Variants in ZNF385D observed in about 807,000 individuals in gnomAD.
The protein encoded by ZNF385D is zinc finger protein 659.
In ZNF385D, 15 loss-of-function variants were observed where a neutral mutation model predicts 35.8. That is an observed-to-expected ratio of 0.42 (90% CI 0.28 to 0.64). The LOEUF (loss-of-function observed/expected upper bound fraction) is 0.64. Ranked by LOEUF, ZNF385D falls within the 30% of genes least tolerant of loss-of-function variation. The pLI, the probability that ZNF385D is intolerant of heterozygous loss-of-function variation, is 0.23. For synonymous variants in ZNF385D, 212 were observed against 186.8 expected (o/e 1.13, Z -1.10); for missense variants, 474 against 494.6 (o/e 0.96, Z 0.39).
At chr3:21,954,776 G>C (rs934318943) in intron 3 of ZNF385D, among the ~76,000 whole-genome samples, 2 of 152,070 alleles carry the variant, frequency 1.3e-5, no homozygotes, top group African/African-American at 2.4e-5. Flanking sequence ...TTGGAATAAT[G>C]TTAGACATCC....
At chr3:21,491,917 C>T (rs965218571) in intron 4 of ZNF385D, among the ~76,000 whole-genome samples, 2 of 152,044 alleles carry the variant, frequency 1.3e-5, no homozygotes, top group African/African-American at 4.8e-5. Context: ...CTTTTATTTG[C>T]ACACTAAAGG....
intron 1 of ZNF385D, among the ~76,000 whole-genome samples, chr3:21,739,998 T>C (rs980613221): frequency 2.0e-5 from 3 of 152,166 alleles, no homozygotes; most frequent in Admixed American, 2.0e-4. Flanking sequence ...CTCCCCAGTC[T>C]TGAGAGTTGA....
At chr3:21,480,393 G>A (rs557800470) in intron 4 of ZNF385D, among the ~76,000 whole-genome samples, 45 of 152,088 alleles carry the variant, frequency 3.0e-4, no homozygotes, top group South Asian at 2.5e-3. Flanking sequence ...GTGAGCCACC[G>A]TGCCCAGCCT....
intron 2 of ZNF385D, among the ~76,000 whole-genome samples, chr3:22,173,241 T>C (rs1694587761): frequency 6.6e-6 from 1 of 152,172 alleles, no homozygotes. Context: ...TGAAATGTGG[T>C]ATCCTGGATG....
At chr3:21,583,959 C>CTTATTTATTTATTTATTTAT (rs56661908) in intron 2 of ZNF385D, among the ~76,000 whole-genome samples, 4 of 138,298 alleles carry the variant, frequency 2.9e-5, no homozygotes, top group African/African-American at 5.6e-5. Context: ...TACTTATTTA[C>CTTATTTATTTATTTATTTAT]TTATTTATTT....
intron 3 of ZNF385D, among the ~76,000 whole-genome samples, chr3:21,772,853 T>C (rs149806979): frequency 0.014 from 2,093 of 152,044 alleles, 45 homozygotes; most frequent in African/African-American, 0.048. Flanking sequence ...AGCATACATA[T>C]GCACAATGGA....
chr3:22,022,372 T>C (rs1230942450), intron 3 of ZNF385D, among the ~76,000 whole-genome samples: 1 of 152,234 alleles, frequency 6.6e-6, no homozygotes, highest in East Asian at 1.9e-4. Context: ...CAACATGATT[T>C]TGAATGCTGA....
At chr3:21,747,685 G>A (rs1276361647) in intron 1 of ZNF385D, among the ~76,000 whole-genome samples, 2 of 152,200 alleles carry the variant, frequency 1.3e-5, no homozygotes, top group African/African-American at 4.8e-5. Flanking sequence ...CTGAGCAATT[G>A]CTGGGGTGCA....
chr3:21,615,726 A>G (rs922560314), intron 2 of ZNF385D, among the ~76,000 whole-genome samples: 1 of 151,588 alleles, frequency 6.6e-6, no homozygotes, highest in African/African-American at 2.4e-5. Context: ...GCAGGTGGCT[A>G]AACTATCTTA....
chr3:21,698,458 A>G (rs1177000811), intron 1 of ZNF385D, among the ~76,000 whole-genome samples: 1 of 152,134 alleles, frequency 6.6e-6, no homozygotes, highest in African/African-American at 2.4e-5. Context: ...TCCAAAAACA[A>G]GGAGGCTGAG....
chr3:21,465,300 C>A lies in ZNF385D; in HGVS notation c.440-28097G>T, dbSNP rs902644834. On this transcript the variant is annotated intron_variant, in intron 4 of 7. Transcript: ENST00000281523. This position sits in a 1 kb window ranked among gnomAD's most constrained non-coding sequence, Gnocchi z 4.2. ...TATTTATCCAGTTAGGTGTCTAATG[C>A]AAAACACACTAATTTTTAAAGGTTG... 1.3e-5 allele frequency among the ~76,000 whole-genome samples: 2 copies of A among 152,114 alleles called. No homozygotes were observed. Among genetic ancestry groups the A allele is most frequent in the African/African-American group, 2.4e-5 (1 of 41,422 alleles).
chr3:21,571,849 TAGG>T (rs1223917655), intron 2 of ZNF385D, among the ~76,000 whole-genome samples: 1 of 152,198 alleles, frequency 6.6e-6, no homozygotes, highest in East Asian at 1.9e-4. Context: ...GGGCTAGAAC[TAGG>T]AGGATACTGA....
At chr3:21,437,366 A>G (rs1220619966) in intron 4 of ZNF385D, among the ~76,000 whole-genome samples, 163 bp from the exon 5 acceptor site, 1 of 152,158 alleles carries the variant, frequency 6.6e-6, no homozygotes, top group Admixed American at 6.6e-5. Flanking sequence ...AAATTCACAT[A>G]GATGACCATA....
intron 3 of ZNF385D, among the ~76,000 whole-genome samples, chr3:21,827,450 C>T (rs867052748): frequency 3.9e-5 from 6 of 152,124 alleles, no homozygotes; most frequent in Non-Finnish European, 8.8e-5. Flanking sequence ...AAATACTTAT[C>T]GAGACATCAA....
Position 21,686,216 on chromosome 3 carries a change from G to A in ZNF385D, c.23-21188C>T, listed in dbSNP as rs573709929. Among the ~76,000 whole-genome samples, 10 of 152,212 alleles carry A rather than the reference G, an allele frequency of 6.6e-5. 1 individual carries two copies. The South Asian group carries it at 1.2e-3, about 19-fold the overall frequency. ...AAGTGTACAAATGTGTACTCAAATC[G>A]TAATGTTTCATTTCTAAATCTCTTC... On this transcript the variant is annotated intron_variant, in intron 1 of 7. Transcript: ENST00000281523.
At chr3:22,136,164 G>A (rs916236673) in intron 3 of ZNF385D, among the ~76,000 whole-genome samples, 3 of 152,080 alleles carry the variant, frequency 2.0e-5, no homozygotes, top group Non-Finnish European at 2.9e-5. Flanking sequence ...CGGATGGATC[G>A]CCTGAGCTCA....
At chr3:21,535,710 T>C (rs1382917639) in intron 3 of ZNF385D, among the ~76,000 whole-genome samples, 1 of 152,072 alleles carries the variant, frequency 6.6e-6, no homozygotes, top group Non-Finnish European at 1.5e-5. Context: ...TAGCTTTGAA[T>C]ATCAGTCTAG....
chr3:21,673,788 T>C (rs1024357871), intron 1 of ZNF385D, among the ~76,000 whole-genome samples: 6 of 152,140 alleles, frequency 3.9e-5, no homozygotes, highest in African/African-American at 1.4e-4. Context: ...GAGCCAGTCA[T>C]AGGGCAAAGG....
At chr3:22,091,813 G>A (rs576509735) in intron 3 of ZNF385D, among the ~76,000 whole-genome samples, 1 of 152,170 alleles carries the variant, frequency 6.6e-6, no homozygotes, top group Non-Finnish European at 1.5e-5. Context: ...CTAAACATTT[G>A]TATGTCTCCT....
Sources: gnomAD v4.1 joint callset for allele counts (sites outside exome capture counted in the v4.1 genomes callset) on GRCh38, gnomAD v4.1.1 for gene constraint, Gnocchi (gnomAD v3.1) non-coding constraint, MANE v1.5 for transcripts, NCBI Gene and HGNC (gene_info 2026-07-23, HGNC 2026-07-21) for gene names.